HELZ2: variants seen among roughly 807,000 people sequenced by gnomAD.
HELZ2 encodes the protein helicase with zinc finger 2.
In HELZ2, 143 loss-of-function variants were observed where a neutral mutation model predicts 208.8. The ratio of observed to expected loss-of-function variants is 0.68; its 90% confidence interval spans 0.60 to 0.79. The LOEUF is 0.79. HELZ2 is among the 30% of genes least tolerant of loss of function. The pLI is 0.00. For synonymous variants in HELZ2, 1,705 were observed against 1,693.7 expected, an observed-to-expected ratio of 1.01 and a Z score of -0.16; for missense variants, 3,690 against 3,794.5, an observed-to-expected ratio of 0.97 and a Z score of 0.72.
At chr20:63,561,901 G>T in exon 11 of HELZ2, 1 of 1,582,746 alleles carries the variant, frequency 6.3e-7, no homozygotes, top group Non-Finnish European at 8.6e-7. Context: ...TCCCCACGGG[G>T]GGGGCCTCCG....
chr20:63,563,613 G>T, exon 8 of HELZ2: 1 of 1,539,234 alleles, frequency 6.5e-7, no homozygotes, highest in Non-Finnish European at 8.7e-7. Context: ...TTGTCCAGAG[G>T]CTGGGCCTTG....
At chr20:63,560,288 C>T (rs1344539413) in exon 17 of HELZ2, 5 of 1,560,570 alleles carry the variant, frequency 3.2e-6, no homozygotes, top group African/African-American at 2.7e-5. Flanking sequence ...TCCTGGGGCT[C>T]TACGGTCCTC....
In HELZ2 at chr20:63,559,518, G is replaced by A. The variant is rs552534829; in HGVS notation, c.7826-148C>T. 2.0e-4 allele frequency: 65 copies of A among 322,498 alleles called. 4 individuals are homozygous for A. The highest frequency in any genetic ancestry group is 1.9e-3 in the African/African-American group (47 of 24,298). The allele number at this position is 322,498 out of a possible 1,614,324, so 20.0% of individuals were successfully genotyped here. ...TGGGAGGAGTCAGGGTCAGATGGGA[G>A]TCAGTCAGAGTCAGGTGGGAGGAGT... On this transcript the variant is annotated intron_variant, in intron 18 of 18. Transcript: ENST00000467148.
chr20:63,564,527 G>A lies in HELZ2; in HGVS notation c.4295C>T (p.Thr1432Ile), dbSNP rs752420559. The change falls in exon 8 of 19, where the codon ACC becomes ATC. Residue 1432 changes from threonine to isoleucine, a missense_variant. By Grantham distance (89) the Thr-to-Ile change is moderately conservative. Transcript: ENST00000467148. ...CAGCTGGCCACTGGCCTTCTCCATG[G>A]TGAGGAACAGGGAGATGGCCAGGCG... The A allele has an allele frequency of 4.4e-6, 7 of 1,580,558 alleles. 1 individual carries two copies. In the South Asian group the frequency reaches 6.9e-5, roughly 16 times the overall value.
chr20:63,569,129 C>T lies in HELZ2; in HGVS notation c.1088+19G>A. Reference sequence around the variant, plus strand: ...AGCTGCTCCTGCTACCCCAGCTGCTCCTGTTGCCCCCAGCTCACTTGGCCA... The same window carrying T: ...AGCTGCTCCTGCTACCCCAGCTGCTTCTGTTGCCCCCAGCTCACTTGGCCA... On this transcript the variant is annotated intron_variant, in intron 4 of 18. Coordinates refer to ENST00000467148, the Ensembl canonical transcript of HELZ2. 1 of 1,569,688 alleles carries T rather than the reference C, an allele frequency of 6.4e-7. No individual in the cohort carries two copies. The highest frequency in any genetic ancestry group is 8.6e-7 in the Non-Finnish European group (1 of 1,159,956).
In HELZ2 at chr20:63,563,913, C is replaced by T. The variant is rs1391635907; in HGVS notation, c.4909G>A (p.Asp1637Asn). ...GAGCGCTCCAGGGCCTTGCGGAGGT[C>T]GCGGCCTGCAGGAGCCAGGAATGGG... is the stretch of plus-strand genomic sequence containing the variant. The change falls in exon 8 of 19, where the codon GAC (aspartate) becomes AAC (asparagine). Residue 1637 changes from aspartate to asparagine, a missense_variant. Coordinates refer to ENST00000467148, the Ensembl canonical transcript of HELZ2. 6 of 1,593,858 alleles carry T rather than the reference C, an allele frequency of 3.8e-6. No individual in the cohort carries two copies. The highest frequency in any genetic ancestry group is 2.2e-5 in the South Asian group (2 of 89,924).
chr20:63,568,151 G>A, intron 5 of HELZ2: 5 of 590,774 alleles, frequency 8.5e-6, no homozygotes, highest in Non-Finnish European at 1.5e-5. Context: ...CAGGGCCCCG[G>A]CAGAGGCACC....
chr20:63,564,893 G>A lies in HELZ2; in HGVS notation c.3929C>T (p.Pro1310Leu), dbSNP rs748486054. Residue 1310 changes from proline to leucine, a missense_variant, in exon 8 of 19, where the codon CCG becomes CTG. By Grantham distance (98) the Pro-to-Leu change is moderately conservative. Around this residue, in one of 3 missense-constraint regions of HELZ2, gnomAD observed 2,564 missense variants for 2,580.5 expected, o/e 0.99. Coordinates refer to ENST00000467148, the Ensembl canonical transcript of HELZ2. ...CTTGGTGATGGTGGCCTGGTCCGACGGGGGCACCCTCAAGCTGTACTCCAG... is the reference window on the plus strand; with the variant it reads ...CTTGGTGATGGTGGCCTGGTCCGACAGGGGCACCCTCAAGCTGTACTCCAG... 4.5e-5 allele frequency: 73 copies of A among 1,612,036 alleles called. No homozygotes were observed. The East Asian group carries it at 6.5e-4, about 14-fold the overall frequency.
At chr20:63,564,570 G>T in exon 8 of HELZ2, 1 of 1,568,286 alleles carries the variant, frequency 6.4e-7, no homozygotes, top group Non-Finnish European at 8.6e-7. Flanking sequence ...CCAGGCAGGA[G>T]GCTGAGGACG....
intron 3 of HELZ2, among the ~76,000 whole-genome samples, chr20:63,569,939 G>C (rs1231219647): frequency 1.3e-5 from 2 of 152,122 alleles, no homozygotes; most frequent in Non-Finnish European, 2.9e-5. Context: ...CCAGACCCTG[G>C]TGAATCCTTG....
At chr20:63,572,396 CT>C in exon 1 of HELZ2, 2 of 1,499,720 alleles carry the variant, frequency 1.3e-6, no homozygotes, top group Non-Finnish European at 1.8e-6. Context: ...CTCCACGGCG[CT>C]GTGTGCAAAC....
rs61741972 is a variant in HELZ2, at chr20:63,564,997, G to C, written c.3825C>G (p.Gly1275=). 1.4e-3 allele frequency: 2,292 copies of C among 1,596,722 alleles called. 27 individuals are homozygous for C. The African/African-American group carries it at 0.027, about 19-fold the overall frequency. The change falls in exon 8 of 19, where the codon GGC becomes GGG. Residue 1275 remains glycine, a synonymous_variant. Coordinates refer to ENST00000467148, the Ensembl canonical transcript of HELZ2. ...GGACGATGCCCAGCGGGTAGTAGAA[G>C]CCTTGCCGCCACAGGACAATTTGGA...
rs142682427 is a variant in HELZ2, at chr20:63,572,300, G to A, written c.86C>T (p.Thr29Met). The change falls in exon 1 of 19, where the codon ACG becomes ATG. Residue 29 changes from threonine (T) to methionine (M), a missense_variant. Coordinates refer to ENST00000467148, the Ensembl canonical transcript of HELZ2. ...CCCAGGGGGCTGGCCAAGGGGGGCC[G>A]TGCGCCCGTCGCCATCAGGGGCAGG... 339 of 1,586,192 alleles carry A rather than the reference G, an allele frequency of 2.1e-4. No individual in the cohort carries two copies. The African/African-American group carries it at 3.1e-3, about 15-fold the overall frequency.
Position 63,566,363 on chromosome 20 carries a change from C to T in HELZ2, c.2590+15G>A, listed in dbSNP as rs1460388823. Reference sequence around the variant, plus strand: ...CTGGGGCAGCTGGCAGCACCTGGCCCCGCTGGTCACCCACCTGGCAGGATC... The same window carrying T: ...CTGGGGCAGCTGGCAGCACCTGGCCTCGCTGGTCACCCACCTGGCAGGATC... On this transcript the variant is annotated intron_variant, in intron 7 of 18. Transcript: ENST00000467148. 6.5e-7 allele frequency: 1 copy of T among 1,547,298 alleles called. No individual in the cohort carries two copies. The highest frequency in any genetic ancestry group is 2.0e-5 in the Admixed American group (1 of 50,956).
chr20:63,572,709 C>T (rs1288610583), upstream of HELZ2: 7 of 345,392 alleles, frequency 2.0e-5, no homozygotes, highest in Admixed American at 4.5e-5. Flanking sequence ...CCCTGGGCCC[C>T]GCTGCCCTGC....
chr20:63,565,420 G>A lies in HELZ2; in HGVS notation c.3402C>T (p.Phe1134=), dbSNP rs754907014. The change falls in exon 8 of 19, where the codon TTC becomes TTT. Residue 1134 remains phenylalanine, a synonymous_variant. Transcript: ENST00000467148. ...ACGCCCGCTCGAAGGTCTCTGGCAC[G>A]AAAGAGCAGTGGCGGTACCGCTCGG... 60 of 1,610,900 alleles carry A rather than the reference G, an allele frequency of 3.7e-5. 1 individual carries two copies. Among genetic ancestry groups the A allele is most frequent in the South Asian group, 2.2e-4 (20 of 91,026 alleles).
intron 18 of HELZ2, 79 bp downstream of exon 19, chr20:63,559,849 G>A: frequency 4.0e-6 from 6 of 1,506,772 alleles, no homozygotes; most frequent in Non-Finnish European, 5.4e-6. Flanking sequence ...GTCAGGGTCA[G>A]GCAGGAGTCG....
exon 3 of HELZ2, chr20:63,570,586 C>A: frequency 6.2e-7 from 1 of 1,612,552 alleles, no homozygotes; most frequent in Non-Finnish European, 8.5e-7. Flanking sequence ...GCAGGTGACA[C>A]GCACTCCATC....
chr20:63,558,360 C>T (rs1433537093), downstream of HELZ2: 3 of 132,752 alleles, frequency 2.3e-5, no homozygotes, highest in Admixed American at 7.5e-5. Context: ...AGGCTTTTCA[C>T]ATTTCAGAGG....
Sources: gnomAD v4.1 joint callset for allele counts (sites outside exome capture counted in the v4.1 genomes callset) on GRCh38, gnomAD v4.1.1 for gene constraint, gnomAD v4.1.1 regional missense constraint, MANE v1.5 for transcripts, NCBI Gene and HGNC (gene_info 2026-07-23, HGNC 2026-07-21) for gene names.